The following TMEM132C variants were observed in gnomAD, a reference collection of about 807,000 sequenced individuals.
TMEM132C encodes the protein protein phosphatase 1, regulatory subunit 152.
A neutral mutation model predicts 61.4 loss-of-function variants in TMEM132C; 29 were observed. The observed-to-expected ratio is 0.47, with a 90% confidence interval of 0.35 to 0.64. TMEM132C has a LOEUF of 0.64. Among genes scored for constraint, TMEM132C ranks in the 30% least tolerant of loss-of-function variants. The pLI, the probability that TMEM132C is intolerant of heterozygous loss-of-function variation, is 0.00. For synonymous variants in TMEM132C, 656 were observed against 633.1 expected, an observed-to-expected ratio of 1.04 and a Z score of -0.54; for missense variants, 1,408 against 1,476.9, an observed-to-expected ratio of 0.95 and a Z score of 0.76.
chr12:128,317,372 G>C (rs530705233), intron 1 of TMEM132C, among the ~76,000 whole-genome samples: 96 of 152,212 alleles, frequency 6.3e-4, no homozygotes, highest in African/African-American at 1.7e-3. Context: ...ATTGTTTAGG[G>C]GTCCGGATCT....
intron 4 of TMEM132C, among the ~76,000 whole-genome samples, chr12:128,650,346 T>C (rs564194725): frequency 6.6e-6 from 1 of 152,206 alleles, no homozygotes; most frequent in South Asian, 2.1e-4. Flanking sequence ...AGAAGACCCA[T>C]GAACACCTCA....
At chr12:128,424,562 C>G (rs1271470727) in intron 2 of TMEM132C, among the ~76,000 whole-genome samples, 1 of 151,858 alleles carries the variant, frequency 6.6e-6, no homozygotes, top group East Asian at 1.9e-4. Flanking sequence ...TTAGTTGTTG[C>G]CAGGACAACG....
intron 2 of TMEM132C, among the ~76,000 whole-genome samples, chr12:128,464,268 T>C (rs913955160): frequency 6.6e-6 from 1 of 152,178 alleles, no homozygotes; most frequent in African/African-American, 2.4e-5. Context: ...TCAGGACTGA[T>C]ACACCAGCAC....
Position 128,630,001 on chromosome 12 carries a change from C to T in TMEM132C, c.1305+13666C>T, listed in dbSNP as rs919118682. Among the ~76,000 whole-genome samples the T allele has an allele frequency of 1.3e-5, 2 of 149,126 alleles. No individual in the cohort carries two copies. The highest frequency in any genetic ancestry group is 4.9e-5 in the African/African-American group (2 of 40,580). ...AAAAAAAAAAGGCAAGAGGGTAGAT[C>T]TCATATTACCTGTTCTTACCATAAT... On this transcript the variant is annotated intron_variant, in intron 4 of 8. Transcript: ENST00000435159. This position sits in a 1 kb window ranked among gnomAD's most constrained non-coding sequence, Gnocchi z 4.3.
At chr12:128,451,430 T>G (rs1020373233) in intron 2 of TMEM132C, among the ~76,000 whole-genome samples, 1 of 152,192 alleles carries the variant, frequency 6.6e-6, no homozygotes, top group African/African-American at 2.4e-5. Context: ...TTCATCCTTT[T>G]TAATTTGTGT....
At chr12:128,360,489 G>C (rs1162644327) in intron 1 of TMEM132C, among the ~76,000 whole-genome samples, 1 of 152,068 alleles carries the variant, frequency 6.6e-6, no homozygotes, top group African/African-American at 2.4e-5. Context: ...TAATTAATTT[G>C]AACATAAATG....
At chr12:128,664,001 CAG>C (rs1188892323) in intron 4 of TMEM132C, among the ~76,000 whole-genome samples, 40 of 147,786 alleles carry the variant, frequency 2.7e-4, no homozygotes, top group African/African-American at 9.2e-4. Flanking sequence ...GGCACTCACA[CAG>C]GCACACACGC....
chr12:128,311,413 G>C (rs140072431), intron 1 of TMEM132C, among the ~76,000 whole-genome samples: 17 of 152,330 alleles, frequency 1.1e-4, no homozygotes, highest in Middle Eastern at 3.4e-3. Flanking sequence ...TTGAGTGTAC[G>C]CCACAGGGGA....
At chr12:128,486,610 C>A (rs1253308319) in intron 2 of TMEM132C, among the ~76,000 whole-genome samples, 2 of 152,126 alleles carry the variant, frequency 1.3e-5, no homozygotes, top group South Asian at 2.1e-4. Context: ...TGACAACATG[C>A]CTTTTCTCTT....
chr12:128,307,076 C>T (rs1277282650), intron 1 of TMEM132C, among the ~76,000 whole-genome samples: 3 of 152,134 alleles, frequency 2.0e-5, no homozygotes, highest in Non-Finnish European at 4.4e-5. Flanking sequence ...TTCTTTCTGG[C>T]ATCCTTAAGG....
At chr12:128,452,865 AT>A (rs1031517773) in intron 2 of TMEM132C, among the ~76,000 whole-genome samples, 10 of 152,226 alleles carry the variant, frequency 6.6e-5, no homozygotes, top group Non-Finnish European at 1.5e-4. Context: ...GTGGACTTTC[AT>A]TTTTTATCAA....
intron 3 of TMEM132C, among the ~76,000 whole-genome samples, chr12:128,578,976 C>T (rs143285323): frequency 6.6e-6 from 1 of 152,074 alleles, no homozygotes; most frequent in East Asian, 1.9e-4. Flanking sequence ...ATAGAGGTGA[C>T]TAGGGGAGTT....
chr12:128,445,591 C>T (rs975969818), intron 2 of TMEM132C, among the ~76,000 whole-genome samples: 2 of 152,200 alleles, frequency 1.3e-5, no homozygotes, highest in Non-Finnish European at 2.9e-5. Context: ...TCTTCCTCTT[C>T]AGCTCCGCGG....
chr12:128,447,374 A>T (rs1870017738), intron 2 of TMEM132C, among the ~76,000 whole-genome samples: 1 of 152,174 alleles, frequency 6.6e-6, no homozygotes, highest in Non-Finnish European at 1.5e-5. Flanking sequence ...ATTCCCTGAA[A>T]ATAATTTGGT....
chr12:128,656,370 C>T (rs188483669), intron 4 of TMEM132C, among the ~76,000 whole-genome samples: 141 of 152,270 alleles, frequency 9.3e-4, no homozygotes, highest in South Asian at 4.8e-3. Flanking sequence ...GCTTTTATGT[C>T]CAAGTTTGCC....
chr12:128,695,852 G>A lies in TMEM132C; in HGVS notation c.1678G>A (p.Glu560Lys). The A allele has an allele frequency of 6.5e-7, 1 of 1,549,034 alleles. No individual in the cohort carries two copies. The highest frequency in any genetic ancestry group is 8.7e-7 in the Non-Finnish European group (1 of 1,145,284). Reference sequence around the variant, plus strand: ...AAGGCCCACTCGTGAGAGCGAGGATGAGGACGAGGAGGAGCGGCGGGGCCG... The same window carrying A: ...AAGGCCCACTCGTGAGAGCGAGGATAAGGACGAGGAGGAGCGGCGGGGCCG... ...NKRPTRESED[E>K]DEEERRGRGC... The change falls in exon 7 of 9, where the codon GAG (glutamate) becomes AAG (lysine). Residue 560 changes from glutamate (E) to lysine (K), a missense_variant. Physicochemically the swap from Glu to Lys is moderately conservative, Grantham distance 56. Coordinates refer to ENST00000435159, the MANE Select transcript of TMEM132C (RefSeq NM_001136103.3).
At chr12:128,320,351 C>T (rs887795899) in intron 1 of TMEM132C, among the ~76,000 whole-genome samples, 1 of 152,072 alleles carries the variant, frequency 6.6e-6, no homozygotes, top group Non-Finnish European at 1.5e-5. Flanking sequence ...GATTAGTGAG[C>T]ATAGCTGTTT....
At chr12:128,644,181 G>T (rs1163925029) in intron 4 of TMEM132C, among the ~76,000 whole-genome samples, 3 of 152,198 alleles carry the variant, frequency 2.0e-5, no homozygotes, top group African/African-American at 7.2e-5. Context: ...AGAGTTGTTG[G>T]AAAACAATTT....
chr12:128,315,647 A>G (rs1393969255), intron 1 of TMEM132C, among the ~76,000 whole-genome samples: 1 of 152,154 alleles, frequency 6.6e-6, no homozygotes. Context: ...TGGCCCCCCA[A>G]AATGTTTATC....
Sources: allele counts gnomAD v4.1 joint callset (sites outside exome capture counted in the v4.1 genomes callset), GRCh38; gene constraint gnomAD v4.1.1; non-coding constraint Gnocchi (gnomAD v3.1); transcripts MANE v1.5; gene names NCBI Gene and HGNC (gene_info 2026-07-23, HGNC 2026-07-21).